The following PLCB1 variants were observed in gnomAD, a reference collection of about 807,000 sequenced individuals.
The protein encoded by PLCB1 is 1-phosphatidylinositol 4,5-bisphosphate phosphodiesterase beta-1.
PLCB1 carries 46 observed loss-of-function variants against 161.8 expected under a neutral mutation model. The ratio of observed to expected loss-of-function variants is 0.28; its 90% CI spans 0.22 to 0.36. The LOEUF (loss-of-function observed/expected upper bound fraction) is 0.36. Ranked by LOEUF, PLCB1 falls within the 10% of genes least tolerant of loss-of-function variation. The pLI, the probability that PLCB1 is intolerant of heterozygous loss-of-function variation, is 1.00. For synonymous variants in PLCB1, 517 were observed against 503.7 expected (o/e 1.03, Z -0.35); for missense variants, 1,016 against 1,472.5 (o/e 0.69, Z 5.07).
chr20:8,860,792 A>G (rs1489108770), intron 31 of PLCB1, among the ~76,000 whole-genome samples: 2 of 152,232 alleles, frequency 1.3e-5, no homozygotes, highest in Non-Finnish European at 2.9e-5. Context: ...GGAAGAGTTC[A>G]TATACTGACA....
intron 2 of PLCB1, among the ~76,000 whole-genome samples, chr20:8,171,284 A>G (rs1190100881): frequency 2.6e-5 from 4 of 152,174 alleles, no homozygotes; most frequent in Admixed American, 6.5e-5. Context: ...CATTATATAC[A>G]TTTAACTAAG....
At chr20:8,334,028 A>T (rs970178404) in intron 2 of PLCB1, among the ~76,000 whole-genome samples, 1 of 152,092 alleles carries the variant, frequency 6.6e-6, no homozygotes, top group Non-Finnish European at 1.5e-5. Flanking sequence ...TGACCAACAT[A>T]AAGAAACCCC....
chr20:8,560,452 A>G (rs538890675), intron 3 of PLCB1, among the ~76,000 whole-genome samples: 2 of 151,796 alleles, frequency 1.3e-5, no homozygotes, highest in East Asian at 3.9e-4. Context: ...AACCACTTGG[A>G]AAGGTTTTAA....
chr20:8,174,155 G>T (rs1600215764), intron 2 of PLCB1, among the ~76,000 whole-genome samples: 1 of 149,122 alleles, frequency 6.7e-6, no homozygotes, highest in African/African-American at 2.5e-5. Flanking sequence ...CCTCAAACAG[G>T]ATACACCTTA....
At chr20:8,351,976 A>G (rs1413420326) in intron 2 of PLCB1, among the ~76,000 whole-genome samples, 2 of 152,098 alleles carry the variant, frequency 1.3e-5, no homozygotes, top group South Asian at 2.1e-4. Context: ...TGATCTAGCA[A>G]TTGTGCTCCT....
Position 8,681,117 on chromosome 20 carries a change from T to TAC in PLCB1, c.863-3814_863-3813insCA, listed in dbSNP as rs200273472. ...ATATATATATATATATATATATATA[T>TAC]ATAATATATATAAAATCAGTGTCTC... On this transcript the variant is annotated intron_variant, in intron 9 of 31. Transcript: ENST00000338037. 7.7e-5 allele frequency among the ~76,000 whole-genome samples: 8 copies of TAC among 103,314 alleles called. 1 individual carries two copies. Among genetic ancestry groups the TAC allele is most frequent in the African/African-American group, 4.9e-4 (8 of 16,262 alleles). The allele number at this position is 103,314 out of a possible 152,430, so 67.8% of individuals were successfully genotyped here.
intron 1 of PLCB1, among the ~76,000 whole-genome samples, chr20:8,133,828 G>A (rs1304781199): frequency 1.3e-5 from 2 of 152,184 alleles, no homozygotes; most frequent in Non-Finnish European, 2.9e-5. Flanking sequence ...AGAATGAGGC[G>A]TTCTTCTTGC....
chr20:8,704,353 CA>C (rs754528316), intron 11 of PLCB1, among the ~76,000 whole-genome samples: 216 of 111,588 alleles, frequency 1.9e-3, no homozygotes, highest in Middle Eastern at 5.8e-3. Context: ...GACTTCGTTT[CA>C]AAAAAAAAAA....
chr20:8,523,465 G>GCTCTTTCTCTCTCTCTCTCT (rs1984434299), intron 3 of PLCB1, among the ~76,000 whole-genome samples: 7 of 48,796 alleles, frequency 1.4e-4, no homozygotes, highest in Admixed American at 2.5e-4. Context: ...TATATATTTG[G>GCTCTTTCTCTCTCTCTCTCT]CTCTCTCTCT....
chr20:8,782,505 A>AC (rs2146212978), intron 27 of PLCB1, among the ~76,000 whole-genome samples: 1 of 152,052 alleles, frequency 6.6e-6, no homozygotes, highest in East Asian at 1.9e-4. Flanking sequence ...TGGTCCTCCT[A>AC]CCTCAGCCTC....
At chr20:8,479,318 C>G (rs1982407846) in intron 3 of PLCB1, among the ~76,000 whole-genome samples, 1 of 152,086 alleles carries the variant, frequency 6.6e-6, no homozygotes, top group Non-Finnish European at 1.5e-5. Flanking sequence ...AGTGCATTCT[C>G]AGCAATAAGA....
chr20:8,515,818 TG>T (rs1234490532), intron 3 of PLCB1, among the ~76,000 whole-genome samples: 1 of 152,210 alleles, frequency 6.6e-6, no homozygotes, highest in Non-Finnish European at 1.5e-5. Context: ...TTGGCTCAGC[TG>T]GGCAGGTTAG....
At chr20:8,171,203 A>T (rs1377101487) in intron 2 of PLCB1, among the ~76,000 whole-genome samples, 2 of 152,282 alleles carry the variant, frequency 1.3e-5, no homozygotes, top group East Asian at 3.9e-4. Context: ...TTTCAACAAT[A>T]TCATGTTTAA....
At chr20:8,227,131 C>T (rs779304721) in intron 2 of PLCB1, among the ~76,000 whole-genome samples, 21 of 152,060 alleles carry the variant, frequency 1.4e-4, no homozygotes, top group Admixed American at 9.2e-4. Context: ...GGTACAGAGT[C>T]TGGATCCCAG....
At chr20:8,772,408 G>T (rs1301815035) in intron 26 of PLCB1, among the ~76,000 whole-genome samples, 1 of 152,100 alleles carries the variant, frequency 6.6e-6, no homozygotes, top group Admixed American at 6.5e-5. Flanking sequence ...TGTAATTTTT[G>T]ACCTTGGGCA....
chr20:8,285,770 T>C (rs978997278), intron 2 of PLCB1, among the ~76,000 whole-genome samples: 2 of 152,202 alleles, frequency 1.3e-5, no homozygotes, highest in African/African-American at 4.8e-5. Flanking sequence ...CCTTCACACC[T>C]GTACCCACCA....
In PLCB1 at chr20:8,789,520, A is replaced by G. The variant is rs780476445; in HGVS notation, c.3281A>G (p.Glu1094Gly). 6.2e-7 allele frequency: 1 copy of G among 1,607,110 alleles called. No individual in the cohort carries two copies. Among genetic ancestry groups the G allele is most frequent in the African/African-American group, 1.3e-5 (1 of 74,902 alleles). Reference protein sequence around the residue: ...KSKDKSQMEEEKTEMIRSYIQ... With the variant: ...KSKDKSQMEEGKTEMIRSYIQ... ...ATGTATTCATCATTTGCTTTTAGGG[A>G]GAAGACAGAGATGATCCGGTCATAT... The change falls in exon 30 of 32, where the codon GAG (glutamate) becomes GGG (glycine). Residue 1094 changes from glutamate (E) to glycine (G), a missense_variant and splice_region_variant. Glu to Gly is a moderately conservative substitution (Grantham distance 98, BLOSUM62 -2). Transcript: ENST00000338037.
intron 3 of PLCB1, among the ~76,000 whole-genome samples, chr20:8,498,902 G>C (rs1205149078): frequency 2.0e-5 from 3 of 152,182 alleles, no homozygotes; most frequent in Non-Finnish European, 4.4e-5. Flanking sequence ...TCACATGGTG[G>C]TGGTAGGGAT....
chr20:8,799,458 T>C (rs1984184210), intron 31 of PLCB1, among the ~76,000 whole-genome samples: 3 of 152,252 alleles, frequency 2.0e-5, no homozygotes, highest in Admixed American at 1.3e-4. Flanking sequence ...TCATTGGGCA[T>C]GATTTCTGTG....
Sources: gnomAD v4.1 joint callset for allele counts (sites outside exome capture counted in the v4.1 genomes callset) on GRCh38, gnomAD v4.1.1 for gene constraint, MANE v1.5 for transcripts, NCBI Gene and HGNC (gene_info 2026-07-23, HGNC 2026-07-21) for gene names.